The following IL5 variants were observed in gnomAD, a reference collection of about 807,000 sequenced individuals.
IL5 encodes the protein interleukin 5, also known as interleukin-5.
A neutral mutation model predicts 16.3 loss-of-function variants in IL5; 12 were observed. The ratio of observed to expected loss-of-function variants is 0.74; its 90% CI spans 0.47 to 1.20. IL5 has a LOEUF of 1.20. Ranked by LOEUF, IL5 falls within the 50% of genes most tolerant of loss-of-function variation. The pLI is 0.00. For missense variants in IL5, 159 were observed against 153.9 expected, an observed-to-expected ratio of 1.03 and a Z score of -0.17; for synonymous variants, 54 against 56.6, an observed-to-expected ratio of 0.95 and a Z score of 0.21.
chr5:132,544,767 T>C (rs774333119), upstream of IL5, among the ~76,000 whole-genome samples: 3 of 152,202 alleles, frequency 2.0e-5, no homozygotes, highest in Non-Finnish European at 4.4e-5. Flanking sequence ...CCTAGAAGCC[T>C]GACTTCAGGC....
intron 1 of IL5, among the ~76,000 whole-genome samples, chr5:132,549,491 T>A (rs1226603637): frequency 6.6e-6 from 1 of 152,210 alleles, no homozygotes; most frequent in Non-Finnish European, 1.5e-5. Context: ...ACCATTTAGA[T>A]TTTTTAAAAT....
chr5:132,551,025 G>A (rs1484775518), intron 1 of IL5, among the ~76,000 whole-genome samples: 1 of 152,090 alleles, frequency 6.6e-6, no homozygotes, highest in Non-Finnish European at 1.5e-5. Flanking sequence ...ATTAACTCTG[G>A]ACTTCAAAAT....
chr5:132,547,034 G>T (rs1188004701), upstream of IL5, among the ~76,000 whole-genome samples: 4 of 151,998 alleles, frequency 2.6e-5, no homozygotes, highest in African/African-American at 7.2e-5. Flanking sequence ...TCAAAAAAAA[G>T]AAAGAGCTTT....
chr5:132,554,206 A>T (rs1749933725), intron 1 of IL5, among the ~76,000 whole-genome samples: 1 of 151,948 alleles, frequency 6.6e-6, no homozygotes, highest in Non-Finnish European at 1.5e-5. Context: ...TCTCTACTAA[A>T]AATACAAAAA....
chr5:132,554,536 A>G (rs1040523133), intron 1 of IL5, among the ~76,000 whole-genome samples: 5 of 152,244 alleles, frequency 3.3e-5, no homozygotes, highest in Middle Eastern at 3.2e-3. Context: ...AAAAAAACAT[A>G]AAATAACAAG....
intron 1 of IL5, among the ~76,000 whole-genome samples, chr5:132,553,847 T>G (rs908582136): frequency 4.9e-5 from 7 of 142,794 alleles, no homozygotes; most frequent in African/African-American, 1.1e-4. Context: ...GCTGAGGCAG[T>G]AGAATGGCGT....
rs1431541598 is a variant in IL5, at chr5:132,541,744, C to G, written c.*67G>C. The G allele has an allele frequency of 2.1e-6, 2 of 959,958 alleles. No individual in the cohort carries two copies. Among genetic ancestry groups the G allele is most frequent in the African/African-American group, 3.3e-5 (2 of 60,814 alleles). 59.5% of individuals were successfully genotyped at this position (959,958 alleles called of 1,614,324 possible). On this transcript the variant is annotated 3_prime_UTR_variant, in exon 4 of 4. Transcript: ENST00000231454. Reference sequence around the variant, plus strand: ...ATTAAGGCCTGACTCTTTCTTGGCCCTCATTCTCACTGCAGTAAAATGTCC... The same window carrying G: ...ATTAAGGCCTGACTCTTTCTTGGCCGTCATTCTCACTGCAGTAAAATGTCC...
chr5:132,548,454 G>A (rs1032854431), upstream of IL5, among the ~76,000 whole-genome samples: 3 of 152,268 alleles, frequency 2.0e-5, no homozygotes, highest in South Asian at 2.1e-4. Flanking sequence ...TGTTGTACTC[G>A]TTGAGTTAAT....
At chr5:132,551,899 G>A (rs1749888468) in intron 1 of IL5, among the ~76,000 whole-genome samples, 1 of 151,950 alleles carries the variant, frequency 6.6e-6, no homozygotes, top group African/African-American at 2.4e-5. Flanking sequence ...TTCTAAGAAC[G>A]AATCCATACT....
At chr5:132,549,311 C>G (rs1749845970) in intron 1 of IL5, among the ~76,000 whole-genome samples, 1 of 152,168 alleles carries the variant, frequency 6.6e-6, no homozygotes, top group African/African-American at 2.4e-5. Context: ...GCCTCGGCCT[C>G]CCAAAGTGCT....
At chr5:132,547,886 A>G (rs1749818382), upstream of IL5, among the ~76,000 whole-genome samples, 1 of 152,178 alleles carries the variant, frequency 6.6e-6, no homozygotes, top group Non-Finnish European at 1.5e-5. Context: ...CCTGGCCAAT[A>G]TGGTGAAACC....
rs112946922 is a variant in IL5 at position 132,543,371 on chromosome 5, C to T, written c.108G>A (p.Leu36=). The change falls in exon 1 of 4, where the codon CTG becomes CTA. Residue 36 remains leucine, a synonymous_variant. Coordinates refer to ENST00000231454, the MANE Select transcript of IL5 (RefSeq NM_000879.3). Reference sequence around the variant, plus strand: ...TCAGCAGAGTTCGATGAGTAGAAAGCAGTGCCAAGGTCTCTTTCACCAATG... The same window carrying T: ...TCAGCAGAGTTCGATGAGTAGAAAGTAGTGCCAAGGTCTCTTTCACCAATG... ...TSALVKETLA[L]LSTHRTLLIA... 1.2e-6 allele frequency: 2 copies of T among 1,614,056 alleles called. No homozygotes were observed. Among genetic ancestry groups the T allele is most frequent in the African/African-American group, 2.7e-5 (2 of 74,922 alleles).
intron 2 of IL5, 142 bp downstream of exon 2, chr5:132,542,952 T>C (rs1028454222): frequency 2.3e-5 from 15 of 641,226 alleles, no homozygotes; most frequent in Non-Finnish European, 3.9e-5. Context: ...CTCATATTTA[T>C]AAGTACAGAC....
At chr5:132,555,700 A>G (rs1312698517) in intron 1 of IL5, among the ~76,000 whole-genome samples, 3 of 152,166 alleles carry the variant, frequency 2.0e-5, no homozygotes, top group Non-Finnish European at 2.9e-5. Context: ...TGTTTTCAGT[A>G]GAGACGGGGT....
chr5:132,549,970 AC>A (rs1749858689), intron 1 of IL5, among the ~76,000 whole-genome samples: 2 of 152,218 alleles, frequency 1.3e-5, no homozygotes, highest in South Asian at 4.1e-4. Flanking sequence ...CATCTTCTAA[AC>A]CTTACCAACA....
chr5:132,552,445 CT>C (rs1303287875), intron 1 of IL5, among the ~76,000 whole-genome samples: 4 of 151,992 alleles, frequency 2.6e-5, no homozygotes, highest in Non-Finnish European at 5.9e-5. Context: ...ACTGATTTGC[CT>C]TTTTATTTTA....
chr5:132,551,973 T>C (rs1251254177), intron 1 of IL5, among the ~76,000 whole-genome samples: 1 of 152,126 alleles, frequency 6.6e-6, no homozygotes, highest in Admixed American at 6.6e-5. Flanking sequence ...TGTTAGAAAG[T>C]ATTGTAAGAA....
upstream of IL5, among the ~76,000 whole-genome samples, chr5:132,546,710 A>C (rs1561622329): frequency 6.6e-6 from 1 of 152,136 alleles, no homozygotes. Flanking sequence ...TCGGAGTTGG[A>C]CCTGTAAAAT....
intron 1 of IL5, among the ~76,000 whole-genome samples, chr5:132,552,933 A>G (rs1447382468): frequency 6.6e-6 from 1 of 151,996 alleles, no homozygotes; most frequent in African/African-American, 2.4e-5. Context: ...ACGGGGTTTC[A>G]CCGTGTTAGC....
Sources: allele counts gnomAD v4.1 joint callset (sites outside exome capture counted in the v4.1 genomes callset), GRCh38; gene constraint gnomAD v4.1.1; transcripts MANE v1.5; gene names NCBI Gene and HGNC (gene_info 2026-07-23, HGNC 2026-07-21).